The following DOK4 variants were observed in gnomAD, a reference collection of about 807,000 sequenced individuals.
DOK4 encodes the protein downstream of tyrosine kinase 4.
A neutral mutation model predicts 40.1 loss-of-function variants in DOK4; 26 were observed. The ratio of observed to expected loss-of-function variants is 0.65; its 90% CI spans 0.48 to 0.90. The LOEUF (loss-of-function observed/expected upper bound fraction) is 0.90. Ranked by LOEUF, DOK4 falls within the 40% of genes least tolerant of loss-of-function variation. The probability of loss-of-function intolerance (pLI) is 0.00; values close to 1 mark genes in which losing one functional copy is unlikely to be tolerated. For missense variants in DOK4, 392 were observed against 437.2 expected (o/e 0.90, Z 0.92); for synonymous variants, 179 against 177.0 (o/e 1.01, Z -0.09).
chr16:57,475,212 C>T, exon 5 of DOK4: 1 of 1,612,622 alleles, frequency 6.2e-7, no homozygotes, highest in Non-Finnish European at 8.5e-7. Flanking sequence ...ACTCCTCTGC[C>T]TCTAGCTCTG....
chr16:57,475,587 G>T, exon 4 of DOK4: 2 of 1,608,016 alleles, frequency 1.2e-6, no homozygotes, highest in South Asian at 1.1e-5. Flanking sequence ...TTGGGGAGCC[G>T]CGTAACACAC....
In DOK4 at chr16:57,485,815, C is replaced by T. The variant is rs62039364; in HGVS notation, c.-182+490G>A. On this transcript the variant is annotated intron_variant, in intron 1 of 8. Transcript: ENST00000340099. This position sits in a 1 kb window ranked among gnomAD's most constrained non-coding sequence, Gnocchi z 4.3. ...GGAGGCAGCTGGCCATGAGTTTGGG[C>T]TGTGGGGAGAAACCCCATAGGCAGG... Among the ~76,000 whole-genome samples, 1 of 152,188 alleles carries T rather than the reference C, an allele frequency of 6.6e-6. No homozygotes were observed. Among genetic ancestry groups the T allele is most frequent in the Non-Finnish European group, 1.5e-5 (1 of 68,030 alleles).
At chr16:57,475,780 C>CT in intron 3 of DOK4, 70 bp downstream of exon 3, 1 of 1,366,662 alleles carries the variant, frequency 7.3e-7, no homozygotes, top group Admixed American at 1.8e-5. Flanking sequence ...TCTCTCCCCT[C>CT]TCTCCCTCTC....
chr16:57,473,936 T>G, exon 7 of DOK4: 2 of 1,613,968 alleles, frequency 1.2e-6, no homozygotes, highest in Non-Finnish European at 1.7e-6. Context: ...AGGACCCGCT[T>G]GTGCTGCTCT....
intron 2 of DOK4, among the ~76,000 whole-genome samples, chr16:57,476,465 T>A (rs1486976966): frequency 6.6e-6 from 1 of 152,152 alleles, no homozygotes; most frequent in Non-Finnish European, 1.5e-5. Flanking sequence ...TGGCCAGGGC[T>A]CAGGCAGTGC....
At chr16:57,481,777 G>A (rs2031417038) in intron 1 of DOK4, 1 of 152,254 alleles carries the variant, frequency 6.6e-6, no homozygotes, top group Admixed American at 6.5e-5. Context: ...GGAAAAAAAT[G>A]AGAATAAATC....
intron 2 of DOK4, among the ~76,000 whole-genome samples, chr16:57,477,016 G>A (rs2031210425): frequency 6.6e-6 from 1 of 152,228 alleles, no homozygotes; most frequent in Non-Finnish European, 1.5e-5. Context: ...CTTCCAGCGG[G>A]CATTCCAAAA....
chr16:57,482,487 C>T (rs1251735017), intron 1 of DOK4, among the ~76,000 whole-genome samples: 2 of 151,480 alleles, frequency 1.3e-5, no homozygotes, highest in Non-Finnish European at 2.9e-5. Flanking sequence ...CTTCCTCAGC[C>T]TCCCGAGTAG....
At chr16:57,476,163 C>G in intron 2 of DOK4, 1 of 577,994 alleles carries the variant, frequency 1.7e-6, no homozygotes, top group Non-Finnish European at 3.1e-6. Flanking sequence ...AAGTCATTGA[C>G]TTCTTGGCTG....
chr16:57,484,884 A>T (rs544736301), intron 1 of DOK4, among the ~76,000 whole-genome samples: 18 of 152,336 alleles, frequency 1.2e-4, no homozygotes, highest in Admixed American at 3.3e-4. Flanking sequence ...CTGGCCACAG[A>T]GAGACATCTG....
Position 57,473,784 on chromosome 16 carries a change from C to T in DOK4, c.739-48G>A, listed in dbSNP as rs747522130. 5.4e-5 allele frequency: 86 copies of T among 1,588,988 alleles called. No individual in the cohort carries two copies. In the South Asian group the frequency reaches 7.9e-4, roughly 15 times the overall value. On this transcript the variant is annotated intron_variant, in intron 7 of 8. Coordinates refer to ENST00000340099, the Ensembl canonical transcript of DOK4. ...ACTCCCATTAGTGGCTTACAGTATC[C>T]CTGAGCAGCCACCCCAAGACCCTAC...
intron 2 of DOK4, among the ~76,000 whole-genome samples, chr16:57,477,495 A>G (rs72788075): frequency 0.04 from 6,034 of 152,314 alleles, 154 homozygotes; most frequent in Middle Eastern, 0.085. Flanking sequence ...TGGATGGATG[A>G]ATGGATGGAT....
rs771285451 is a variant in DOK4, at chr16:57,475,527, G to T, written c.268C>A (p.Arg90Ser). The T allele has an allele frequency of 1.4e-5, 22 of 1,608,312 alleles. No homozygotes were observed. In the Admixed American group the frequency reaches 3.7e-4, roughly 27 times the overall value. The change falls in exon 4 of 9, where the codon CGT becomes AGT. Residue 90 changes from arginine (R) to serine (S), a missense_variant. Transcript: ENST00000340099. ...TCACCTGAGTCGCAGGTGAAGGTACGTGCCGAGTCATCAGTGAATATGATG... is the reference window on the plus strand; with the variant it reads ...TCACCTGAGTCGCAGGTGAAGGTACTTGCCGAGTCATCAGTGAATATGATG...
At chr16:57,472,842 G>A (rs2030925576) in exon 9 of DOK4, 1 of 155,612 alleles carries the variant, frequency 6.4e-6, no homozygotes, top group Admixed American at 6.3e-5. Context: ...GTCACTCCAG[G>A]CCCAGAGGAA....
chr16:57,486,505 C>T (rs13330197), upstream of DOK4: 119,949 of 151,252 alleles, frequency 0.79, 48,424 homozygotes, highest in African/African-American at 0.95. Flanking sequence ...CTCCGCTCCC[C>T]CCTCCGCCAG....
At chr16:57,473,311 G>C (rs544743298) in exon 9 of DOK4, 10 of 1,552,762 alleles carry the variant, frequency 6.4e-6, no homozygotes, top group Non-Finnish European at 8.7e-6. Flanking sequence ...GGCTGTCCAC[G>C]GTACACTGCA....
At position 57,475,968 on chromosome 16, in the gene DOK4, AGATGACAGGGC is replaced by A; in HGVS notation, c.67-22_67-12del. The A allele has an allele frequency of 6.2e-7, 1 of 1,609,148 alleles. No individual in the cohort carries two copies. The highest frequency in any genetic ancestry group is 8.5e-7 in the Non-Finnish European group (1 of 1,177,774). On this transcript the variant is annotated splice_polypyrimidine_tract_variant and intron_variant, in intron 2 of 8. Coordinates refer to ENST00000340099, the Ensembl canonical transcript of DOK4. ...GCACCTCCGGTAGATCTGTGGAGCG[AGATGACAGGGC>A]TCAGGCCTCCCTGGACCACTCCCAC...
exon 5 of DOK4, chr16:57,475,192 G>C: frequency 6.2e-7 from 1 of 1,613,912 alleles, no homozygotes; most frequent in Non-Finnish European, 8.5e-7. Context: ...CACAGATAGT[G>C]TCTTGTACCA....
chr16:57,474,344 A>T (rs2031041990), intron 6 of DOK4, among the ~76,000 whole-genome samples: 1 of 152,202 alleles, frequency 6.6e-6, no homozygotes. Context: ...AGATGAGGAA[A>T]CTGAGGCATA....
Sources: allele counts gnomAD v4.1 joint callset (sites outside exome capture counted in the v4.1 genomes callset), GRCh38; gene constraint gnomAD v4.1.1; non-coding constraint Gnocchi (gnomAD v3.1); transcripts MANE v1.5; gene names NCBI Gene and HGNC (gene_info 2026-07-23, HGNC 2026-07-21).